The following VPS13A variants were observed in gnomAD, a reference collection of about 807,000 sequenced individuals.
The protein encoded by VPS13A is intermembrane lipid transfer protein VPS13A.
In VPS13A, 264 loss-of-function variants were observed where a neutral mutation model predicts 390.9. The observed-to-expected ratio is 0.68, with a 90% CI of 0.61 to 0.75. The LOEUF (loss-of-function observed/expected upper bound fraction) is 0.75. Ranked by LOEUF, VPS13A falls within the 30% of genes least tolerant of loss-of-function variation. VPS13A has a pLI of 0.00. For synonymous variants in VPS13A, 1,231 were observed against 1,227.1 expected (o/e 1.00, Z -0.07); for missense variants, 3,409 against 3,733.9 (o/e 0.91, Z 2.27).
At chr9:77,315,195 A>G (rs1829316903) in intron 37 of VPS13A, 58 bp from the exon 38 acceptor site, 1 of 1,463,754 alleles carries the variant, frequency 6.8e-7, no homozygotes, top group Non-Finnish European at 9.6e-7. Context: ...TTTTACTCAT[A>G]TGTTTGATTA....
Position 77,307,994 on chromosome 9 carries a change from G to A in VPS13A, c.4010G>A (p.Gly1337Asp). The change falls in exon 35 of 72, where the codon GGC becomes GAC. Residue 1337 changes from glycine (G) to aspartate (D), a missense_variant. By Grantham distance (94) the Gly-to-Asp change is moderately conservative. Around this residue, in one of 5 missense-constraint regions of VPS13A, gnomAD observed 2,717 missense variants for 2,917.4 expected, o/e 0.93. Coordinates refer to ENST00000360280, the MANE Select transcript of VPS13A (RefSeq NM_033305.3). ...DITTIFKTLH[G>D]NIWYEKDGSA... ...ACAACTATTTTTAAAACATTGCATG[G>A]CAATATATGGTATGAAAAAGATGGT... 1 of 1,604,388 alleles carries A rather than the reference G, an allele frequency of 6.2e-7. No individual in the cohort carries two copies. Among genetic ancestry groups the A allele is most frequent in the Non-Finnish European group, 8.5e-7 (1 of 1,171,356 alleles).
chr9:77,370,609 T>G (rs773035615), intron 65 of VPS13A, 31 bp downstream of exon 65: 10 of 1,613,686 alleles, frequency 6.2e-6, no homozygotes, highest in Non-Finnish European at 1.7e-6. Context: ...GTGAAGATTT[T>G]GGGAAATATC....
chr9:77,377,016 C>G (rs1833117032), intron 67 of VPS13A, among the ~76,000 whole-genome samples: 1 of 152,122 alleles, frequency 6.6e-6, no homozygotes. Context: ...ATGCAGATGG[C>G]ATTGAATCTG....
intron 60 of VPS13A, 92 bp from the exon 61 acceptor site, chr9:77,366,635 G>A (rs1485297665): frequency 2.8e-6 from 3 of 1,088,918 alleles, no homozygotes; most frequent in Admixed American, 2.1e-5. Flanking sequence ...TATTTATGGT[G>A]TAGTGAATTT....
At chr9:77,346,821 CAAAAG>C (rs1831183122) in intron 52 of VPS13A, among the ~76,000 whole-genome samples, 1 of 152,154 alleles carries the variant, frequency 6.6e-6, no homozygotes, top group Non-Finnish European at 1.5e-5. Context: ...AATCTGGAAA[CAAAAG>C]AGCTAAAAGA....
chr9:77,337,557 G>A lies in VPS13A; in HGVS notation c.6378+20G>A, dbSNP rs1830603697. On this transcript the variant is annotated intron_variant, in intron 47 of 71. Transcript: ENST00000360280. ...ATAGAGGTATCGGCAAACTGATTTA[G>A]TGCCTTCCTGTTTTTGATTTTGTAG... 6.2e-7 allele frequency: 1 copy of A among 1,601,172 alleles called. No homozygotes were observed. Among genetic ancestry groups the A allele is most frequent in the African/African-American group, 1.3e-5 (1 of 74,572 alleles).
chr9:77,412,103 TA>T (rs1159035577), intron 71 of VPS13A, among the ~76,000 whole-genome samples: 1 of 152,122 alleles, frequency 6.6e-6, no homozygotes, highest in African/African-American at 2.4e-5. Context: ...CAATAATTAA[TA>T]GCTTACCAAC....
chr9:77,255,853 C>T, intron 22 of VPS13A, among the ~76,000 whole-genome samples: 1 of 151,950 alleles, frequency 6.6e-6, no homozygotes, highest in East Asian at 1.9e-4. Flanking sequence ...AGTAATGTTA[C>T]CACTTTCATT....
At chr9:77,219,805 A>G in intron 10 of VPS13A, 149 bp from the exon 11 acceptor site, 1 of 757,368 alleles carries the variant, frequency 1.3e-6, no homozygotes, top group Non-Finnish European at 2.2e-6. Context: ...CACATGGTTC[A>G]TCTGACTGAA....
intron 34 of VPS13A, chr9:77,305,549 C>A: frequency 5.8e-6 from 1 of 171,326 alleles, no homozygotes; most frequent in Non-Finnish European, 1.3e-5. Context: ...TTCTCATGCT[C>A]TTCCCAGGTA....
At chr9:77,394,013 C>G (rs1413089779) in intron 68 of VPS13A, among the ~76,000 whole-genome samples, 1 of 151,986 alleles carries the variant, frequency 6.6e-6, no homozygotes, top group African/African-American at 2.4e-5. Context: ...GGTGATCCAC[C>G]CACCTCGGCG....
chr9:77,408,613 G>T (rs143360471), intron 71 of VPS13A, among the ~76,000 whole-genome samples: 1 of 152,348 alleles, frequency 6.6e-6, no homozygotes, highest in East Asian at 1.9e-4. Flanking sequence ...CTTTTCCAAC[G>T]GTCTTAGCAA....
At chr9:77,184,297 G>C (rs1309208635) in intron 1 of VPS13A, among the ~76,000 whole-genome samples, 1 of 152,022 alleles carries the variant, frequency 6.6e-6, no homozygotes, top group Non-Finnish European at 1.5e-5. Context: ...CATCTATTCT[G>C]CTTTGCTGAG....
chr9:77,345,756 A>G (rs993076560), intron 52 of VPS13A, among the ~76,000 whole-genome samples: 2 of 152,098 alleles, frequency 1.3e-5, no homozygotes, highest in African/African-American at 2.4e-5. Context: ...CAACAAGCAC[A>G]TATTTATCAT....
At chr9:77,194,630 A>G (rs1017289870) in intron 1 of VPS13A, among the ~76,000 whole-genome samples, 6 of 152,120 alleles carry the variant, frequency 3.9e-5, no homozygotes, top group Admixed American at 1.3e-4. Flanking sequence ...TCCTTCAGCT[A>G]GGATTCTAGA....
At chr9:77,310,102 A>G (rs1206155344) in intron 35 of VPS13A, among the ~76,000 whole-genome samples, 2 of 152,150 alleles carry the variant, frequency 1.3e-5, no homozygotes, top group African/African-American at 4.8e-5. Context: ...TAATTCTCAG[A>G]TTTCCTGTGA....
intron 19 of VPS13A, among the ~76,000 whole-genome samples, chr9:77,242,078 T>C (rs1824531397): frequency 6.6e-6 from 1 of 152,184 alleles, no homozygotes. Context: ...TTGTCAAAGT[T>C]TTAAAATTCT....
intron 33 of VPS13A, among the ~76,000 whole-genome samples, chr9:77,301,738 G>A (rs1273870372): frequency 1.3e-5 from 2 of 152,088 alleles, no homozygotes; most frequent in African/African-American, 2.4e-5. Flanking sequence ...CTGAGCATCA[G>A]TCTTACCTTT....
intron 68 of VPS13A, among the ~76,000 whole-genome samples, chr9:77,393,629 G>A (rs528524808): frequency 3.3e-5 from 5 of 152,272 alleles, no homozygotes; most frequent in Admixed American, 1.3e-4. Context: ...CATTAATCTC[G>A]TACATCTTCA....
Sources: gnomAD v4.1 joint callset for allele counts (sites outside exome capture counted in the v4.1 genomes callset) on GRCh38, gnomAD v4.1.1 for gene constraint, gnomAD v4.1.1 regional missense constraint, MANE v1.5 for transcripts, NCBI Gene and HGNC (gene_info 2026-07-23, HGNC 2026-07-21) for gene names.